The following EPB41L1 variants were observed in gnomAD, a reference collection of about 807,000 sequenced individuals.
The protein encoded by EPB41L1 is band 4.1-like protein 1.
Under a neutral mutation model 97.8 loss-of-function variants are expected in EPB41L1, and 29 were observed. The ratio of observed to expected loss-of-function variants is 0.30; its 90% CI spans 0.22 to 0.40. EPB41L1 has a LOEUF of 0.40. EPB41L1 is among the 10% of genes least tolerant of loss of function. EPB41L1 has a pLI of 1.00. For missense variants in EPB41L1, 812 were observed against 1,162.3 expected (o/e 0.70, Z 4.38); for synonymous variants, 383 against 459.2 (o/e 0.83, Z 2.12).
At chr20:36,155,050 C>A in intron 1 of EPB41L1, 154 bp downstream of exon 1, 2 of 693,732 alleles carry the variant, frequency 2.9e-6, no homozygotes, top group Non-Finnish European at 4.4e-6. Context: ...TCTCGCTGTT[C>A]CTCCCTACCT....
At position 36,136,501 on chromosome 20, in the gene EPB41L1, A is replaced by G. The variant is rs566746501; in HGVS notation, c.-10+24021A>G. 2.3e-4 allele frequency among the ~76,000 whole-genome samples: 35 copies of G among 151,822 alleles called. No homozygotes were observed. In the South Asian group the frequency reaches 3.1e-3, roughly 14 times the overall value. ...GGTCCATCTTAACCATTTTTAAGTA[A>G]GTGTACACTTCAGTAGTGTTGGGTA... On this transcript the variant is annotated intron_variant, in intron 2 of 19. Coordinates refer to the EPB41L1 transcript ENST00000202028.
chr20:36,232,543 G>A lies in EPB41L1; in HGVS notation c.*3203G>A, dbSNP rs570991515. ...GAGGGTACAGGAAGTACCAGGACCT[G>A]TTTCAGTTTTTGAATCCTGCAAGCA... On this transcript the variant is annotated 3_prime_UTR_variant, in exon 22 of 22. Coordinates refer to ENST00000338074, the MANE Select transcript of EPB41L1 (RefSeq NM_012156.2). 2.5e-6 allele frequency: 1 copy of A among 398,916 alleles called. No individual in the cohort carries two copies. Among genetic ancestry groups the A allele is most frequent in the East Asian group, 3.6e-5 (1 of 28,084 alleles). 24.7% of individuals were successfully genotyped at this position (398,916 alleles called of 1,614,324 possible).
At chr20:36,108,250 G>A (rs2058265887) in intron 1 of EPB41L1, among the ~76,000 whole-genome samples, 1 of 152,018 alleles carries the variant, frequency 6.6e-6, no homozygotes, top group Non-Finnish European at 1.5e-5. Context: ...AAAGTGTGGG[G>A]ATTACAGGCA....
At chr20:36,121,056 G>C (rs2058734825) in intron 2 of EPB41L1, among the ~76,000 whole-genome samples, 1 of 140,322 alleles carries the variant, frequency 7.1e-6, no homozygotes, top group Non-Finnish European at 1.5e-5. Flanking sequence ...CAATGTGAAC[G>C]CATTACCTGT....
intron 1 of EPB41L1, among the ~76,000 whole-genome samples, chr20:36,157,839 G>A (rs2060373279): frequency 6.6e-6 from 1 of 152,226 alleles, no homozygotes; most frequent in Non-Finnish European, 1.5e-5. Context: ...GGCCACAGTG[G>A]GGACTGGGCT....
intron 2 of EPB41L1, among the ~76,000 whole-genome samples, chr20:36,174,365 C>T (rs955234163): frequency 1.3e-5 from 2 of 151,940 alleles, no homozygotes; most frequent in African/African-American, 2.4e-5. Context: ...CTCTGCCGCC[C>T]GGGTTCAAGC....
intron 2 of EPB41L1, among the ~76,000 whole-genome samples, chr20:36,137,998 T>G (rs2059484393): frequency 6.6e-6 from 1 of 152,248 alleles, no homozygotes; most frequent in Non-Finnish European, 1.5e-5. Context: ...CTTTTGTTAC[T>G]TAGTATAATG....
intron 7 of EPB41L1, among the ~76,000 whole-genome samples, chr20:36,186,990 T>G (rs2061710136): frequency 6.6e-6 from 1 of 152,208 alleles, no homozygotes; most frequent in African/African-American, 2.4e-5. Flanking sequence ...TTACTCAATG[T>G]CTCTGTGCCG....
In EPB41L1 at chr20:36,212,230, T is replaced by C. The variant is rs2063175022; in HGVS notation, c.2080-42T>C. 6.3e-7 allele frequency: 1 copy of C among 1,591,028 alleles called. No homozygotes were observed. Among genetic ancestry groups the C allele is most frequent in the East Asian group, 2.2e-5 (1 of 44,768 alleles). On this transcript the variant is annotated intron_variant, in intron 15 of 21. Coordinates refer to ENST00000338074, the MANE Select transcript of EPB41L1 (RefSeq NM_012156.2). This position sits in a 1 kb window ranked among gnomAD's most constrained non-coding sequence, Gnocchi z 4.8. ...AATTGTCTGTGAGCAAGGGTCATGC[T>C]AGGGTTTCAGTTACAGAGCATTCTC...
At chr20:36,172,418 CAT>C (rs1215854745) in intron 1 of EPB41L1, among the ~76,000 whole-genome samples, 4 of 152,224 alleles carry the variant, frequency 2.6e-5, no homozygotes, top group African/African-American at 9.6e-5. Context: ...ACTTCCAAAA[CAT>C]ATAAAGTGAA....
chr20:36,202,279 T>G (rs1269366247), intron 14 of EPB41L1, among the ~76,000 whole-genome samples: 2 of 152,244 alleles, frequency 1.3e-5, no homozygotes, highest in Admixed American at 6.5e-5. Context: ...CCATTAACTA[T>G]TGGGAAGTTT....
upstream of EPB41L1, chr20:36,154,612 C>T (rs1236357536): frequency 1.1e-6 from 1 of 874,844 alleles, no homozygotes; most frequent in Admixed American, 1.0e-4. This position sits in a 1 kb window ranked among gnomAD's most constrained non-coding sequence, Gnocchi z 5.5. Context: ...GCGGCCGCCC[C>T]TGGGCTGGGC....
intron 1 of EPB41L1, among the ~76,000 whole-genome samples, chr20:36,160,064 A>G (rs1038590393): frequency 6.6e-6 from 1 of 152,246 alleles, no homozygotes; most frequent in African/African-American, 2.4e-5. Flanking sequence ...GTCTGATACA[A>G]TTAATGTTAA....
chr20:36,203,661 C>T (rs1385550954), intron 14 of EPB41L1, among the ~76,000 whole-genome samples: 3 of 152,250 alleles, frequency 2.0e-5, no homozygotes, highest in African/African-American at 7.2e-5. Flanking sequence ...CTTCCGTAGG[C>T]TCTCAAAGCA....
intron 5 of EPB41L1, among the ~76,000 whole-genome samples, chr20:36,179,420 A>G (rs1042537956): frequency 7.9e-5 from 12 of 152,238 alleles, no homozygotes; most frequent in Non-Finnish European, 1.5e-4. Context: ...ACAGAGCCAA[A>G]TGTTGGCTGA....
rs1433476916 is a variant in EPB41L1, at chr20:36,232,523, T to C, written c.*3183T>C. 4.0e-5 allele frequency: 16 copies of C among 398,506 alleles called. No individual in the cohort carries two copies. The East Asian group carries it at 5.3e-4, about 13-fold the overall frequency. 24.7% of individuals were successfully genotyped at this position (398,506 alleles called of 1,614,324 possible). A position where few individuals can be genotyped will look rare whatever the true frequency, so the allele number is the denominator to read the frequency against. On this transcript the variant is annotated 3_prime_UTR_variant, in exon 22 of 22. Transcript: ENST00000338074. ...TCTCTGGATCTTTTCCATCTGAGGG[T>C]ACAGGAAGTACCAGGACCTGTTTCA...
At chr20:36,168,640 C>T (rs988850336) in intron 1 of EPB41L1, among the ~76,000 whole-genome samples, 1 of 151,936 alleles carries the variant, frequency 6.6e-6, no homozygotes, top group Non-Finnish European at 1.5e-5. Flanking sequence ...AGCCATTCTC[C>T]TGCCTCAGCC....
intron 2 of EPB41L1, among the ~76,000 whole-genome samples, chr20:36,143,136 T>TG (rs1491375027): frequency 2.5e-5 from 3 of 121,970 alleles, no homozygotes; most frequent in Admixed American, 8.0e-5. Context: ...GGAGGGTGTG[T>TG]TTGTGTGTGT....
intron 3 of EPB41L1, among the ~76,000 whole-genome samples, chr20:36,177,701 G>A (rs2061307205): frequency 6.6e-6 from 1 of 152,184 alleles, no homozygotes; most frequent in Admixed American, 6.5e-5. Flanking sequence ...TTCTCCCCAA[G>A]CAAGCTCAAA....
Sources: allele counts gnomAD v4.1 joint callset (sites outside exome capture counted in the v4.1 genomes callset), GRCh38; gene constraint gnomAD v4.1.1; non-coding constraint Gnocchi (gnomAD v3.1); transcripts MANE v1.5; gene names NCBI Gene and HGNC (gene_info 2026-07-23, HGNC 2026-07-21).